Variants in KIF16B observed in about 807,000 individuals in gnomAD.
KIF16B encodes kinesin-like protein KIF16B.
In KIF16B, 98 loss-of-function variants were observed where a neutral mutation model predicts 156.3. That is an observed-to-expected ratio of 0.63 (90% CI 0.53 to 0.74). The LOEUF (loss-of-function observed/expected upper bound fraction) is 0.74, where lower values mean the gene tolerates loss of function less well. Ranked by LOEUF, KIF16B falls within the 30% of genes least tolerant of loss-of-function variation. The pLI, the probability that KIF16B is intolerant of heterozygous loss-of-function variation, is 0.00. For missense variants in KIF16B, 1,421 were observed against 1,606.5 expected (o/e 0.88, Z 1.97); for synonymous variants, 564 against 583.7 (o/e 0.97, Z 0.49).
chr20:16,372,500 G>T (rs2064845769), intron 20 of KIF16B, among the ~76,000 whole-genome samples: 1 of 152,198 alleles, frequency 6.6e-6, no homozygotes, highest in South Asian at 2.1e-4. Context: ...AAAACTATCA[G>T]CCTTGACCAC....
At chr20:16,442,653 T>C (rs2066834380) in intron 12 of KIF16B, among the ~76,000 whole-genome samples, 1 of 152,044 alleles carries the variant, frequency 6.6e-6, no homozygotes, top group Non-Finnish European at 1.5e-5. Context: ...CTCTGCACCA[T>C]TCTTTCACAT....
chr20:16,565,753 G>C (rs6044124), intron 1 of KIF16B, among the ~76,000 whole-genome samples: 1 of 152,062 alleles, frequency 6.6e-6, no homozygotes, highest in African/African-American at 2.4e-5. Flanking sequence ...CCAGCACCCC[G>C]AAACAAATCA....
chr20:16,365,819 C>A (rs1375693046), intron 22 of KIF16B, among the ~76,000 whole-genome samples: 1 of 152,146 alleles, frequency 6.6e-6, no homozygotes, highest in Non-Finnish European at 1.5e-5. Flanking sequence ...GAAAATGCCC[C>A]TTCCATGCCA....
At chr20:16,513,237 TTAA>T (rs1185916263) in intron 4 of KIF16B, among the ~76,000 whole-genome samples, 3 of 141,472 alleles carry the variant, frequency 2.1e-5, no homozygotes, top group Non-Finnish European at 3.2e-5. Flanking sequence ...ACAATAAATG[TTAA>T]AAATACATGC....
chr20:16,344,623 T>C (rs1405812199), intron 23 of KIF16B, among the ~76,000 whole-genome samples: 2 of 152,192 alleles, frequency 1.3e-5, no homozygotes, highest in Non-Finnish European at 2.9e-5. Flanking sequence ...TGAGTGCCTA[T>C]GGTGTCAGCC....
intron 10 of KIF16B, among the ~76,000 whole-genome samples, chr20:16,504,100 A>G (rs62199781): frequency 0.011 from 1,683 of 152,352 alleles, 15 homozygotes; most frequent in Middle Eastern, 0.061. Flanking sequence ...CATTAATCCT[A>G]TTGCATAGTA....
chr20:16,451,260 T>C (rs1244043457), intron 12 of KIF16B, among the ~76,000 whole-genome samples: 1 of 152,180 alleles, frequency 6.6e-6, no homozygotes, highest in Non-Finnish European at 1.5e-5. Context: ...GAGACATTTA[T>C]AGCAGCAAAT....
At chr20:16,489,398 A>G (rs1039124133) in intron 12 of KIF16B, among the ~76,000 whole-genome samples, 16 of 152,304 alleles carry the variant, frequency 1.1e-4, no homozygotes, top group African/African-American at 3.9e-4. Flanking sequence ...AAGGAAGCCT[A>G]AGACTACTCT....
At chr20:16,430,322 C>CAT (rs1568973017) in intron 12 of KIF16B, among the ~76,000 whole-genome samples, 1 of 152,108 alleles carries the variant, frequency 6.6e-6, no homozygotes, top group African/African-American at 2.4e-5. Context: ...CAAGATGTTG[C>CAT]CTTAGTTGAT....
chr20:16,510,896 G>A (rs375010093), intron 6 of KIF16B, among the ~76,000 whole-genome samples: 82 of 152,086 alleles, frequency 5.4e-4, no homozygotes, highest in Non-Finnish European at 2.5e-4. Flanking sequence ...AAATCCAGCC[G>A]ATTCTTAAAT....
intron 12 of KIF16B, among the ~76,000 whole-genome samples, chr20:16,467,024 G>A (rs2067510421): frequency 6.6e-6 from 1 of 152,208 alleles, no homozygotes; most frequent in Non-Finnish European, 1.5e-5. Flanking sequence ...AGAAATCACT[G>A]TGAAATATGG....
chr20:16,385,083 G>A (rs979301548), intron 17 of KIF16B, among the ~76,000 whole-genome samples: 1 of 151,822 alleles, frequency 6.6e-6, no homozygotes, highest in Non-Finnish European at 1.5e-5. Flanking sequence ...TGTAATCCCA[G>A]CTACTCGGGA....
At chr20:16,370,836 C>T (rs2064800784) in intron 21 of KIF16B, among the ~76,000 whole-genome samples, 200 bp from the exon 22 acceptor site, 1 of 152,094 alleles carries the variant, frequency 6.6e-6, no homozygotes, top group Non-Finnish European at 1.5e-5. Context: ...AGAACTGAAA[C>T]ACTTACTCCT....
At chr20:16,306,619 A>C (rs1349019214) in intron 25 of KIF16B, among the ~76,000 whole-genome samples, 2 of 152,156 alleles carry the variant, frequency 1.3e-5, no homozygotes. Flanking sequence ...TTTGCAAGTA[A>C]ATGTAACAAA....
chr20:16,561,904 C>G lies in KIF16B; in HGVS notation c.47+11325G>C, dbSNP rs1243065182. Among the ~76,000 whole-genome samples the G allele has an allele frequency of 2.6e-5, 4 of 152,158 alleles. No individual in the cohort carries two copies. In the East Asian group the frequency reaches 7.7e-4, roughly 29 times the overall value. On this transcript the variant is annotated intron_variant, in intron 1 of 25. Coordinates refer to ENST00000354981, the MANE Select transcript of KIF16B (RefSeq NM_024704.5). ...GGAAAGACTTACAAACTGTCACGTA[C>G]CAGAGAAGACTCAGGAGACATGCTA...
intron 24 of KIF16B, among the ~76,000 whole-genome samples, chr20:16,326,430 A>G (rs2063850579): frequency 6.6e-6 from 1 of 151,886 alleles, no homozygotes; most frequent in South Asian, 2.1e-4. Flanking sequence ...TCCAGAATCT[A>G]TAAGGAGCTC....
chr20:16,543,603 C>T (rs2070287754), intron 1 of KIF16B, among the ~76,000 whole-genome samples: 1 of 152,132 alleles, frequency 6.6e-6, no homozygotes, highest in African/African-American at 2.4e-5. Flanking sequence ...TCATACATTA[C>T]AAAATTCATG....
At chr20:16,362,584 T>G (rs2064572001) in intron 22 of KIF16B, among the ~76,000 whole-genome samples, 1 of 152,204 alleles carries the variant, frequency 6.6e-6, no homozygotes, top group Non-Finnish European at 1.5e-5. Context: ...ATAAAAAATT[T>G]TACCAATGTC....
In KIF16B at chr20:16,295,479, CTATT is replaced by C. The variant is rs1307862271; in HGVS notation, c.3795+16852_3795+16855del. ...AATCCATATTAGTATAACTATATGA[CTATT>C]TAAAGTTATACTTATAATTATATAT... On this transcript the variant is annotated intron_variant, in intron 25 of 25. Coordinates refer to ENST00000354981, the MANE Select transcript of KIF16B (RefSeq NM_024704.5). Among the ~76,000 whole-genome samples the C allele has an allele frequency of 4.6e-5, 7 of 150,770 alleles. No homozygotes were observed. In the South Asian group the frequency reaches 1.3e-3, roughly 27 times the overall value.
Sources: gnomAD v4.1 joint callset for allele counts (sites outside exome capture counted in the v4.1 genomes callset) on GRCh38, gnomAD v4.1.1 for gene constraint, MANE v1.5 for transcripts, NCBI Gene and HGNC (gene_info 2026-07-23, HGNC 2026-07-21) for gene names.